The following MANBA variants were observed in gnomAD, a reference collection of about 807,000 sequenced individuals.
The protein encoded by MANBA is mannosidase beta, also known as beta-mannosidase.
MANBA carries 83 observed loss-of-function variants against 111.1 expected under a neutral mutation model. The observed-to-expected ratio is 0.75, with a 90% confidence interval of 0.63 to 0.90. MANBA has a LOEUF of 0.90. Among genes scored for constraint, MANBA ranks in the 40% least tolerant of loss-of-function variants. The pLI is 0.00. For synonymous variants in MANBA, 370 were observed against 378.7 expected (o/e 0.98, Z 0.27); for missense variants, 1,036 against 1,069.0 (o/e 0.97, Z 0.43).
rs1729567741 is a variant in MANBA, at chr4:102,635,191, A to T, written c.2158-146T>A. 5.1e-6 allele frequency: 4 copies of T among 791,296 alleles called. No individual in the cohort carries two copies. In the South Asian group the frequency reaches 6.6e-5, roughly 13 times the overall value. The allele number at this position is 791,296 out of a possible 1,614,324, so 49.0% of individuals were successfully genotyped here. On this transcript the variant is annotated intron_variant, in intron 15 of 16. Transcript: ENST00000647097. ...TGAGTTTTAATCCCAGTCCTGCAAA[A>T]TACTAGCTATGTGACTAAGTAACTT...
intron 1 of MANBA, among the ~76,000 whole-genome samples, chr4:102,742,906 G>C (rs1454444373): frequency 9.1e-6 from 1 of 110,232 alleles, no homozygotes; most frequent in Non-Finnish European, 1.8e-5. Flanking sequence ...CTCTGCTGCT[G>C]GCAAATTGGA....
chr4:102,738,418 A>G (rs1240916789), intron 1 of MANBA, among the ~76,000 whole-genome samples: 2 of 152,240 alleles, frequency 1.3e-5, no homozygotes, highest in Admixed American at 1.3e-4. Flanking sequence ...CGTGGATCAC[A>G]TCACAGGACT....
chr4:102,660,740 T>C (rs1730903344), intron 11 of MANBA, among the ~76,000 whole-genome samples: 1 of 150,250 alleles, frequency 6.7e-6, no homozygotes, highest in African/African-American at 2.4e-5. Context: ...CAGGTGTAAG[T>C]CACCACATCC....
At chr4:102,729,182 G>A (rs1722928719) in intron 1 of MANBA, 2 of 723,756 alleles carry the variant, frequency 2.8e-6, no homozygotes, top group Non-Finnish European at 5.1e-6. Context: ...GTGCCCTCCA[G>A]GGAAGCCCTC....
chr4:102,660,622 A>AT (rs1018538268), intron 11 of MANBA, among the ~76,000 whole-genome samples: 1 of 151,570 alleles, frequency 6.6e-6, no homozygotes, highest in Admixed American at 6.6e-5. Context: ...TGCCCAAAGA[A>AT]TTTTTTAAAT....
chr4:102,678,645 A>G (rs1360297866), intron 7 of MANBA, among the ~76,000 whole-genome samples: 1 of 152,192 alleles, frequency 6.6e-6, no homozygotes, highest in Non-Finnish European at 1.5e-5. Context: ...ATTTTTATCT[A>G]TTTTTGAAGT....
chr4:102,685,349 T>C (rs1352433988), intron 7 of MANBA, among the ~76,000 whole-genome samples: 1 of 152,182 alleles, frequency 6.6e-6, no homozygotes, highest in Non-Finnish European at 1.5e-5. Context: ...CTCCCTAGCT[T>C]TCTTTCTCAG....
chr4:102,738,552 G>T (rs1227431101), intron 1 of MANBA, among the ~76,000 whole-genome samples: 1 of 152,218 alleles, frequency 6.6e-6, no homozygotes, highest in Non-Finnish European at 1.5e-5. Flanking sequence ...GGGGAAGGGG[G>T]AGAGCATCTC....
At chr4:102,638,769 G>A (rs1481797764) in intron 14 of MANBA, among the ~76,000 whole-genome samples, 1 of 152,108 alleles carries the variant, frequency 6.6e-6, no homozygotes, top group Non-Finnish European at 1.5e-5. Flanking sequence ...AGAGAAATTT[G>A]ATTAGAAATC....
chr4:102,725,655 G>T (rs1475597078), intron 2 of MANBA, among the ~76,000 whole-genome samples: 1 of 152,190 alleles, frequency 6.6e-6, no homozygotes, highest in Non-Finnish European at 1.5e-5. Flanking sequence ...AAATTGAAAA[G>T]ATTGGAGAAT....
chr4:102,661,183 C>T lies in MANBA; in HGVS notation c.1486-3283G>A, dbSNP rs188672920. Among the ~76,000 whole-genome samples, 10 of 152,306 alleles carry T rather than the reference C, an allele frequency of 6.6e-5. No individual in the cohort carries two copies. In the East Asian group the frequency reaches 1.9e-3, roughly 29 times the overall value. ...TGACCTAAAGTACTACTAGACAATG[C>T]TTTGCCTCAAAATTCTCCACCTGTA... On this transcript the variant is annotated intron_variant, in intron 11 of 16. Coordinates refer to ENST00000647097, the MANE Select transcript of MANBA (RefSeq NM_005908.4).
intron 9 of MANBA, 71 bp from the exon 10 acceptor site, chr4:102,669,120 G>A (rs1578886313): frequency 8.6e-7 from 1 of 1,164,180 alleles, no homozygotes; most frequent in South Asian, 1.3e-5. Flanking sequence ...TCTTTATTCT[G>A]AGCTCTGGGC....
intron 5 of MANBA, among the ~76,000 whole-genome samples, chr4:102,702,773 G>A (rs1733119808): frequency 6.6e-6 from 1 of 151,840 alleles, no homozygotes; most frequent in Admixed American, 6.6e-5. Flanking sequence ...CACAAGTTAG[G>A]GAACTATGGT....
In MANBA at chr4:102,672,438, A is replaced by G. The variant is rs554890409; in HGVS notation, c.1113-1040T>C. Among the ~76,000 whole-genome samples, 4 of 152,344 alleles carry G rather than the reference A, an allele frequency of 2.6e-5. No homozygotes were observed. In the East Asian group the frequency reaches 5.8e-4, roughly 22 times the overall value. ...AAGTTCTATTCCTTCAGTCTTGGAA[A>G]AACATTTTTTTTCCTAGATCTAGAA... is the stretch of plus-strand genomic sequence containing the variant. On this transcript the variant is annotated intron_variant, in intron 8 of 16. Coordinates refer to ENST00000647097, the MANE Select transcript of MANBA (RefSeq NM_005908.4).
chr4:102,649,233 G>A (rs1730227152), intron 13 of MANBA, among the ~76,000 whole-genome samples: 2 of 152,094 alleles, frequency 1.3e-5, no homozygotes, highest in African/African-American at 2.4e-5. Flanking sequence ...GATATCCATT[G>A]GTGGACATAT....
At chr4:102,736,183 G>A (rs1339796317) in intron 1 of MANBA, among the ~76,000 whole-genome samples, 1 of 152,126 alleles carries the variant, frequency 6.6e-6, no homozygotes, top group Non-Finnish European at 1.5e-5. Context: ...TGGCTCCAGG[G>A]TCCATATACT....
chr4:102,675,257 T>C (rs1051092760), intron 7 of MANBA, among the ~76,000 whole-genome samples: 1 of 152,254 alleles, frequency 6.6e-6, no homozygotes, highest in Non-Finnish European at 1.5e-5. Context: ...AAACATTATT[T>C]GCCTTTATCT....
chr4:102,741,225 T>A, intron 1 of MANBA, among the ~76,000 whole-genome samples: 1 of 151,568 alleles, frequency 6.6e-6, no homozygotes, highest in East Asian at 1.9e-4. Flanking sequence ...GAAATGGAAA[T>A]CAAAACCACA....
At chr4:102,691,828 A>G (rs1732491180) in intron 5 of MANBA, among the ~76,000 whole-genome samples, 1 of 152,174 alleles carries the variant, frequency 6.6e-6, no homozygotes, top group South Asian at 2.1e-4. Context: ...TTCATTAGAA[A>G]GTGGTATCTA....
Sources: allele counts gnomAD v4.1 joint callset (sites outside exome capture counted in the v4.1 genomes callset), GRCh38; gene constraint gnomAD v4.1.1; transcripts MANE v1.5; gene names NCBI Gene and HGNC (gene_info 2026-07-23, HGNC 2026-07-21).